STK39: variants seen among roughly 807,000 people sequenced by gnomAD.
The protein encoded by STK39 is serine/threonine kinase 39, also known as STE20/SPS1-related proline-alanine-rich protein kinase.
A neutral mutation model predicts 77.8 loss-of-function variants in STK39; 20 were observed. That is an observed-to-expected ratio of 0.26 (90% CI 0.18 to 0.37). The LOEUF is 0.37. Among genes scored for constraint, STK39 ranks in the 10% least tolerant of loss-of-function variants. STK39 has a pLI of 1.00. For synonymous variants in STK39, 246 were observed against 234.1 expected, an observed-to-expected ratio of 1.05 and a Z score of -0.47; for missense variants, 479 against 656.5, an observed-to-expected ratio of 0.73 and a Z score of 2.95.
At chr2:168,104,881 T>A (rs1050873357) in intron 10 of STK39, among the ~76,000 whole-genome samples, 28 of 152,306 alleles carry the variant, frequency 1.8e-4, no homozygotes, top group South Asian at 1.2e-3. Flanking sequence ...TTGCAAACAT[T>A]TGGAAACACC....
At chr2:168,122,775 T>A (rs1687442092) in intron 10 of STK39, among the ~76,000 whole-genome samples, 1 of 152,184 alleles carries the variant, frequency 6.6e-6, no homozygotes, top group Non-Finnish European at 1.5e-5. Flanking sequence ...TATCATTCTA[T>A]CTATCAATAA....
At chr2:168,216,658 C>T (rs917891035) in intron 1 of STK39, among the ~76,000 whole-genome samples, 4 of 152,152 alleles carry the variant, frequency 2.6e-5, no homozygotes, top group Admixed American at 6.5e-5. Flanking sequence ...GACAGAAATA[C>T]GAGTTTTTAG....
At chr2:168,230,653 C>A (rs1463887175) in intron 1 of STK39, among the ~76,000 whole-genome samples, 1 of 152,194 alleles carries the variant, frequency 6.6e-6, no homozygotes, top group Non-Finnish European at 1.5e-5. Context: ...CAGGGAATGT[C>A]AGAATCCATG....
chr2:168,134,214 C>T (rs1345817242), intron 8 of STK39, among the ~76,000 whole-genome samples: 2 of 152,124 alleles, frequency 1.3e-5, no homozygotes, highest in Non-Finnish European at 2.9e-5. Flanking sequence ...AATTTTAAAT[C>T]CTTAAAAACA....
intron 10 of STK39, among the ~76,000 whole-genome samples, chr2:168,116,452 G>A (rs896383730): frequency 2.6e-5 from 4 of 152,080 alleles, no homozygotes; most frequent in African/African-American, 9.7e-5. Flanking sequence ...CGAGTCCCTT[G>A]AATTTTAATT....
At chr2:168,150,000 A>G (rs1376334342) in intron 5 of STK39, among the ~76,000 whole-genome samples, 1 of 152,236 alleles carries the variant, frequency 6.6e-6, no homozygotes, top group Non-Finnish European at 1.5e-5. Flanking sequence ...AAACCAGACC[A>G]GCATTACCTG....
At chr2:168,200,593 T>C (rs998290171) in intron 1 of STK39, among the ~76,000 whole-genome samples, 5 of 151,934 alleles carry the variant, frequency 3.3e-5, no homozygotes, top group Non-Finnish European at 5.9e-5. Context: ...ACCAGAATCA[T>C]TTGAACCCAG....
chr2:168,149,899 C>T (rs373967815), intron 5 of STK39, among the ~76,000 whole-genome samples: 2 of 152,290 alleles, frequency 1.3e-5, no homozygotes, highest in Middle Eastern at 3.4e-3. Context: ...TAAACCTACA[C>T]CAAAGAAAAT....
At chr2:168,015,218 T>C (rs548445569) in intron 15 of STK39, among the ~76,000 whole-genome samples, 7 of 152,312 alleles carry the variant, frequency 4.6e-5, no homozygotes, top group Non-Finnish European at 5.9e-5. Flanking sequence ...CCAGAGCACA[T>C]GGGGCACACT....
In STK39 at chr2:168,102,184, G is replaced by C. The variant is rs536733960; in HGVS notation, c.1090-26953C>G. Reference sequence around the variant, plus strand: ...CTCATTTCTCTTCCATTTGTACCTAGAAGTAGAATTTCTGGGCCATATGCT... The same window carrying C: ...CTCATTTCTCTTCCATTTGTACCTACAAGTAGAATTTCTGGGCCATATGCT... On this transcript the variant is annotated intron_variant, in intron 10 of 17. Coordinates refer to ENST00000355999, the MANE Select transcript of STK39 (RefSeq NM_013233.3). 1.7e-4 allele frequency among the ~76,000 whole-genome samples: 26 copies of C among 150,810 alleles called. No individual in the cohort carries two copies. The South Asian group carries it at 4.6e-3, about 27-fold the overall frequency.
At chr2:168,222,593 T>C (rs564437942) in intron 1 of STK39, among the ~76,000 whole-genome samples, 1 of 152,292 alleles carries the variant, frequency 6.6e-6, no homozygotes, top group East Asian at 1.9e-4. Context: ...TACCATAAGA[T>C]TAATCCCTTT....
chr2:168,229,495 ACT>A (rs1431015328), intron 1 of STK39, among the ~76,000 whole-genome samples: 4 of 152,154 alleles, frequency 2.6e-5, no homozygotes, highest in Non-Finnish European at 4.4e-5. Context: ...AGAGAGGCAA[ACT>A]CTGTAATTCT....
chr2:168,199,978 CTA>C (rs1689573296), intron 1 of STK39, among the ~76,000 whole-genome samples: 1 of 152,136 alleles, frequency 6.6e-6, no homozygotes, highest in Non-Finnish European at 1.5e-5. Context: ...AATATCTGGG[CTA>C]TAAGAGTATC....
intron 10 of STK39, among the ~76,000 whole-genome samples, chr2:168,124,556 C>T (rs76445891): frequency 0.085 from 12,895 of 152,066 alleles, 1,028 homozygotes; most frequent in African/African-American, 0.19. Flanking sequence ...AGTGTCACCA[C>T]GCCTGGCTAA....
chr2:168,231,171 G>T (rs771980637), intron 1 of STK39, among the ~76,000 whole-genome samples: 21 of 152,298 alleles, frequency 1.4e-4, no homozygotes, highest in Middle Eastern at 3.4e-3. Flanking sequence ...TCATGCTAAA[G>T]AGTCATTTTG....
intron 1 of STK39, among the ~76,000 whole-genome samples, chr2:168,223,506 G>A (rs555983067): frequency 4.5e-4 from 40 of 88,552 alleles, no homozygotes; most frequent in African/African-American, 1.4e-3. Context: ...GTGAGACTCC[G>A]TCTCAAAAAA....
intron 1 of STK39, among the ~76,000 whole-genome samples, chr2:168,191,385 G>A (rs377312120): frequency 4.6e-5 from 7 of 152,006 alleles, no homozygotes; most frequent in African/African-American, 1.4e-4. Context: ...CACAGCCCAC[G>A]CCCTATTAAA....
At chr2:168,010,583 C>A (rs1200304315) in intron 16 of STK39, among the ~76,000 whole-genome samples, 1 of 152,170 alleles carries the variant, frequency 6.6e-6, no homozygotes, top group Non-Finnish European at 1.5e-5. Flanking sequence ...CACATAAATG[C>A]ACGTTAAGTC....
At chr2:168,214,708 T>C (rs950057524) in intron 1 of STK39, among the ~76,000 whole-genome samples, 1 of 152,064 alleles carries the variant, frequency 6.6e-6, no homozygotes, top group African/African-American at 2.4e-5. Flanking sequence ...TACATAAATA[T>C]TCAAAAGGTT....
Sources: gnomAD v4.1 joint callset for allele counts (sites outside exome capture counted in the v4.1 genomes callset) on GRCh38, gnomAD v4.1.1 for gene constraint, MANE v1.5 for transcripts, NCBI Gene and HGNC (gene_info 2026-07-23, HGNC 2026-07-21) for gene names.